Variants in OLFM3 observed in about 807,000 individuals in gnomAD.
The protein encoded by OLFM3 is olfactomedin 3, also known as noelin-3.
Under a neutral mutation model 48.6 loss-of-function variants are expected in OLFM3, and 20 were observed. The ratio of observed to expected loss-of-function variants is 0.41; its 90% CI spans 0.29 to 0.60. The LOEUF (loss-of-function observed/expected upper bound fraction) is 0.60, where lower values mean the gene tolerates loss of function less well. OLFM3 is among the 20% of genes least tolerant of loss of function. The pLI, the probability that OLFM3 is intolerant of heterozygous loss-of-function variation, is 0.28. For missense variants in OLFM3, 437 were observed against 544.3 expected (o/e 0.80, Z 1.96); for synonymous variants, 222 against 198.1 (o/e 1.12, Z -1.01).
chr1:101,979,148 C>T (rs1294612174), intron 1 of OLFM3, among the ~76,000 whole-genome samples: 3 of 152,108 alleles, frequency 2.0e-5, no homozygotes, highest in African/African-American at 7.2e-5. Context: ...TTTTACATTG[C>T]TTTAAAGATG....
chr1:101,876,410 A>T (rs1397457109), intron 1 of OLFM3, among the ~76,000 whole-genome samples: 1 of 151,950 alleles, frequency 6.6e-6, no homozygotes, highest in Non-Finnish European at 1.5e-5. Flanking sequence ...GCCACTACAT[A>T]CCTATACTCT....
intron 1 of OLFM3, among the ~76,000 whole-genome samples, chr1:101,959,062 G>C (rs35720049): frequency 6.7e-5 from 10 of 149,706 alleles, no homozygotes; most frequent in Admixed American, 2.7e-4. Context: ...TTCCCACCCC[G>C]GTCTTAGCCC....
chr1:101,928,783 A>G (rs1570639228), intron 1 of OLFM3, among the ~76,000 whole-genome samples: 1 of 152,246 alleles, frequency 6.6e-6, no homozygotes, highest in Middle Eastern at 3.4e-3. Flanking sequence ...CTTTTAAGTT[A>G]GGCATTTTTA....
At chr1:101,805,689 A>AT (rs931545938) in intron 5 of OLFM3, among the ~76,000 whole-genome samples, 2 of 151,666 alleles carry the variant, frequency 1.3e-5, no homozygotes, top group African/African-American at 2.4e-5. Context: ...ATTTAGTCCT[A>AT]TTTTTTCATA....
intron 1 of OLFM3, among the ~76,000 whole-genome samples, chr1:101,844,686 AAC>A (rs1181473265): frequency 6.6e-6 from 1 of 152,212 alleles, no homozygotes; most frequent in African/African-American, 2.4e-5. Flanking sequence ...GTGGGGAGAT[AAC>A]ACATGGTGGA....
At chr1:101,888,146 C>A (rs566970706) in intron 1 of OLFM3, among the ~76,000 whole-genome samples, 73 of 152,242 alleles carry the variant, frequency 4.8e-4, no homozygotes, top group African/African-American at 1.7e-3. Flanking sequence ...TTGGAAAAAA[C>A]TACTTTAAAG....
chr1:101,888,498 T>C (rs1420454917), intron 1 of OLFM3, among the ~76,000 whole-genome samples: 1 of 152,116 alleles, frequency 6.6e-6, no homozygotes, highest in African/African-American at 2.4e-5. Context: ...CAAAAATTAA[T>C]TCAAGATGGA....
intron 1 of OLFM3, chr1:101,846,755 A>C (rs1020725633): frequency 1.1e-6 from 1 of 907,034 alleles, no homozygotes; most frequent in African/African-American, 1.6e-5. Context: ...GTAAAGGCAG[A>C]AGCAAAATCT....
intron 1 of OLFM3, chr1:101,893,170 A>G (rs1337435336): frequency 1.4e-5 from 4 of 276,634 alleles, no homozygotes; most frequent in Non-Finnish European, 2.8e-5. Flanking sequence ...GTAACCTTAG[A>G]AGATTTATAT....
At chr1:101,829,468 A>G (rs1008116716) in intron 3 of OLFM3, among the ~76,000 whole-genome samples, 1 of 152,126 alleles carries the variant, frequency 6.6e-6, no homozygotes, top group Non-Finnish European at 1.5e-5. Flanking sequence ...TTTAAAACCA[A>G]TTCAGGGTGT....
At chr1:101,991,016 A>AAAAAAAATATATATATAT (rs1553186119) in intron 1 of OLFM3, among the ~76,000 whole-genome samples, 2 of 32,220 alleles carry the variant, frequency 6.2e-5, no homozygotes, top group African/African-American at 1.7e-4. Context: ...AAAAAAAAAA[A>AAAAAAAATATATATATAT]ATATATATAT....
intron 1 of OLFM3, among the ~76,000 whole-genome samples, chr1:101,946,024 G>A (rs1276623758): frequency 6.6e-6 from 1 of 152,162 alleles, no homozygotes; most frequent in Non-Finnish European, 1.5e-5. Context: ...TGAGAATGCT[G>A]TTACTGAGAC....
At chr1:101,937,549 G>A (rs1214123376) in intron 1 of OLFM3, among the ~76,000 whole-genome samples, 1 of 152,096 alleles carries the variant, frequency 6.6e-6, no homozygotes, top group Non-Finnish European at 1.5e-5. Flanking sequence ...TTATAAGAAG[G>A]AGTTTCTCTG....
chr1:101,964,689 T>G (rs1337107027), intron 1 of OLFM3, among the ~76,000 whole-genome samples: 1 of 152,230 alleles, frequency 6.6e-6, no homozygotes, highest in East Asian at 1.9e-4. Context: ...GACCTGGGAA[T>G]TTTGTTCTTC....
chr1:101,936,649 T>G (rs1019204757), intron 1 of OLFM3, among the ~76,000 whole-genome samples: 1 of 152,096 alleles, frequency 6.6e-6, no homozygotes. Flanking sequence ...TGAATACCCA[T>G]GGCAATCTTA....
intron 1 of OLFM3, among the ~76,000 whole-genome samples, chr1:101,884,794 C>A (rs1228250298): frequency 6.6e-6 from 1 of 151,934 alleles, no homozygotes; most frequent in Non-Finnish European, 1.5e-5. Flanking sequence ...TAAGGGCTTG[C>A]CTTTTAAAGT....
chr1:101,939,410 G>T (rs1659721013), intron 1 of OLFM3, among the ~76,000 whole-genome samples: 1 of 152,036 alleles, frequency 6.6e-6, no homozygotes, highest in Non-Finnish European at 1.5e-5. Flanking sequence ...GGTCAGATGT[G>T]TTGAGCCCAC....
At chr1:101,822,572 C>A (rs1453611862) in intron 4 of OLFM3, among the ~76,000 whole-genome samples, 1 of 152,152 alleles carries the variant, frequency 6.6e-6, no homozygotes, top group Admixed American at 6.6e-5. Context: ...ACAAATCCTA[C>A]AGATTGTCAC....
chr1:101,968,225 C>T (rs1383760599), intron 1 of OLFM3, among the ~76,000 whole-genome samples: 2 of 152,146 alleles, frequency 1.3e-5, no homozygotes, highest in African/African-American at 4.8e-5. Flanking sequence ...AGCTTCTCTA[C>T]CTACATGATG....
Sources: allele counts gnomAD v4.1 joint callset (sites outside exome capture counted in the v4.1 genomes callset), GRCh38; gene constraint gnomAD v4.1.1; transcripts MANE v1.5; gene names NCBI Gene and HGNC (gene_info 2026-07-23, HGNC 2026-07-21).